Variants in HMGCLL1 observed in about 807,000 individuals in gnomAD.
HMGCLL1 encodes the protein 3-hydroxymethyl-3-methylglutaryl-CoA lyase, cytoplasmic.
HMGCLL1 carries 36 observed loss-of-function variants against 39.1 expected under a neutral mutation model. That is an observed-to-expected ratio of 0.92 (90% CI 0.71 to 1.22). The LOEUF (loss-of-function observed/expected upper bound fraction) is 1.22, where lower values mean the gene tolerates loss of function less well. Ranked by LOEUF, HMGCLL1 falls within the 50% of genes most tolerant of loss-of-function variation. HMGCLL1 has a pLI of 0.00. For missense variants in HMGCLL1, 451 were observed against 416.5 expected, an observed-to-expected ratio of 1.08 and a Z score of -0.72; for synonymous variants, 149 against 144.0, an observed-to-expected ratio of 1.03 and a Z score of -0.25.
intron 1 of HMGCLL1, among the ~76,000 whole-genome samples, chr6:55,553,900 T>A (rs747441796): frequency 1.3e-5 from 2 of 152,216 alleles, no homozygotes; most frequent in Non-Finnish European, 2.9e-5. Context: ...TCAAGTTCTT[T>A]CAGCAAGGAG....
the HMGCLL1 span, among the ~76,000 whole-genome samples, chr6:55,619,239 G>A: frequency 6.6e-6 from 1 of 151,958 alleles, no homozygotes; most frequent in African/African-American, 2.4e-5. Flanking sequence ...GCACTCATGT[G>A]TTACGAAGTT....
At chr6:55,633,234 G>A in the HMGCLL1 span, among the ~76,000 whole-genome samples, 7 of 151,894 alleles carry the variant, frequency 4.6e-5, no homozygotes, top group East Asian at 1.4e-3. Flanking sequence ...TCTTGAAGAA[G>A]GTCAAAACTG....
chr6:55,627,900 G>GTATATATAA, the HMGCLL1 span, among the ~76,000 whole-genome samples: 7 of 11,308 alleles, frequency 6.2e-4, 2 homozygotes, highest in African/African-American at 2.3e-3. Flanking sequence ...TATATATATA[G>GTATATATAA]TATATATACT....
the HMGCLL1 span, among the ~76,000 whole-genome samples, chr6:55,592,531 T>C: frequency 2.0e-5 from 3 of 152,074 alleles, no homozygotes; most frequent in Non-Finnish European, 4.4e-5. Flanking sequence ...AATAATTCTT[T>C]GTTGTGGGTG....
At chr6:55,565,429 G>A (rs893387212) in intron 1 of HMGCLL1, among the ~76,000 whole-genome samples, 2 of 151,940 alleles carry the variant, frequency 1.3e-5, no homozygotes, top group African/African-American at 4.8e-5. Context: ...CTCTATTAAT[G>A]GTTAATGTAG....
chr6:55,563,917 T>G, intron 1 of HMGCLL1: 1 of 1,281,812 alleles, frequency 7.8e-7, no homozygotes, highest in Non-Finnish European at 1.0e-6. Context: ...TGAAGCTCCT[T>G]TGGAGAGGAG....
intron 7 of HMGCLL1, 82 bp downstream of exon 7, chr6:55,495,337 A>C (rs1016476463): frequency 9.4e-6 from 10 of 1,061,640 alleles, no homozygotes; most frequent in Non-Finnish European, 1.2e-5. Context: ...AAATTGTAAC[A>C]ATACAGCTTT....
chr6:55,545,683 G>A (rs9475345), intron 1 of HMGCLL1, among the ~76,000 whole-genome samples: 1,818 of 152,172 alleles, frequency 0.012, 29 homozygotes, highest in African/African-American at 0.041. Flanking sequence ...GGAGAAATAT[G>A]TTCTGGTGGG....
intron 7 of HMGCLL1, among the ~76,000 whole-genome samples, chr6:55,482,997 C>T (rs1363412956): frequency 6.6e-6 from 1 of 151,916 alleles, no homozygotes; most frequent in Non-Finnish European, 1.5e-5. Flanking sequence ...ATAAACGAAA[C>T]ATGTATTACA....
chr6:55,658,911 C>T, the HMGCLL1 span, among the ~76,000 whole-genome samples: 1 of 151,826 alleles, frequency 6.6e-6, no homozygotes, highest in South Asian at 2.1e-4. Flanking sequence ...CAGACTGGGG[C>T]ATCAGAGGAT....
intron 7 of HMGCLL1, among the ~76,000 whole-genome samples, chr6:55,473,017 T>C (rs1765113971): frequency 6.6e-6 from 1 of 151,492 alleles, no homozygotes; most frequent in Non-Finnish European, 1.5e-5. Context: ...ATAATTTTTT[T>C]CTTTTGCGAA....
chr6:55,563,908 G>GAA (rs754314258), intron 1 of HMGCLL1: 1 of 1,287,374 alleles, frequency 7.8e-7, no homozygotes, highest in South Asian at 1.2e-5. Context: ...ATCACAGACT[G>GAA]AAGCTCCTTT....
the HMGCLL1 span, among the ~76,000 whole-genome samples, chr6:55,662,678 G>T: frequency 4.6e-5 from 7 of 151,766 alleles, no homozygotes; most frequent in African/African-American, 1.7e-4. Context: ...TTGGTATCAG[G>T]ATGATGATGG....
Position 55,435,737 on chromosome 6 carries a change from T to G in HMGCLL1, c.948A>C (p.Glu316Asp). The G allele has an allele frequency of 6.2e-7, 1 of 1,603,306 alleles. No homozygotes were observed. The highest frequency in any genetic ancestry group is 8.5e-7 in the Non-Finnish European group (1 of 1,173,024). Residue 316 changes from glutamate to aspartate, a missense_variant, in exon 9 of 9, where the codon GAA becomes GAC. Physicochemically the swap from Glu to Asp is conservative, Grantham distance 45. Coordinates refer to ENST00000274901, the MANE Select transcript of HMGCLL1 (RefSeq NM_001042406.2). ...NTGVNLYKVM[E>D]AGDFICKAVN... ...CAGCTTTGCAAATAAAGTCACCAGC[T>G]TCCATCACTTTGTATAGATTCACAC...
At chr6:55,550,906 G>A (rs1770291642) in intron 1 of HMGCLL1, among the ~76,000 whole-genome samples, 1 of 151,622 alleles carries the variant, frequency 6.6e-6, no homozygotes, top group South Asian at 2.1e-4. Context: ...AAAATCCATA[G>A]TGTTAAGGTT....
chr6:55,486,137 T>C (rs1766015696), intron 7 of HMGCLL1, among the ~76,000 whole-genome samples: 1 of 149,862 alleles, frequency 6.7e-6, no homozygotes, highest in Non-Finnish European at 1.5e-5. Flanking sequence ...TATGAATATA[T>C]ATGTAATATA....
At chr6:55,614,902 G>A in the HMGCLL1 span, among the ~76,000 whole-genome samples, 44 of 151,934 alleles carry the variant, frequency 2.9e-4, no homozygotes, top group Non-Finnish European at 5.4e-4. Flanking sequence ...TAGCACTTTG[G>A]GAGGCCAGGG....
Position 55,435,207 on chromosome 6 carries a change from A to T in HMGCLL1, c.*455T>A, listed in dbSNP as rs1763322428. 1 of 152,742 alleles carries T rather than the reference A, an allele frequency of 6.5e-6. No individual in the cohort carries two copies. Among genetic ancestry groups the T allele is most frequent in the Admixed American group, 6.6e-5 (1 of 15,240 alleles). 9.5% of individuals were successfully genotyped at this position (152,742 alleles called of 1,614,324 possible). ...TGGTCCATAACATAACTGACTTGGC[A>T]AATGAGTAGTTGAGATCCAGAGGCA... On this transcript the variant is annotated 3_prime_UTR_variant, in exon 9 of 9. Transcript: ENST00000274901.
Position 55,533,969 on chromosome 6 carries a change from A to C in HMGCLL1, c.297+7760T>G, listed in dbSNP as rs953326570. The stretch of plus-strand genomic sequence containing the variant: ...ACTTTGATGAACAGGTCTGGACATA[A>C]AAAACAGCTTCAGAAATACAGGGAC... On this transcript the variant is annotated intron_variant, in intron 3 of 8. Transcript: ENST00000274901. Among the ~76,000 whole-genome samples, 4 of 151,976 alleles carry C rather than the reference A, an allele frequency of 2.6e-5. No homozygotes were observed. In the South Asian group the frequency reaches 8.3e-4, roughly 31 times the overall value.
Sources: gnomAD v4.1 joint callset for allele counts (sites outside exome capture counted in the v4.1 genomes callset) on GRCh38, gnomAD v4.1.1 for gene constraint, MANE v1.5 for transcripts, NCBI Gene and HGNC (gene_info 2026-07-23, HGNC 2026-07-21) for gene names.